MGAT4C: variants seen among roughly 807,000 people sequenced by gnomAD.
The protein encoded by MGAT4C is MGAT4 family member C, also known as alpha-1,3-mannosyl-glycoprotein 4-beta-N-acetylglucosaminyltransferase C.
Under a neutral mutation model 40.1 loss-of-function variants are expected in MGAT4C, and 19 were observed. The observed-to-expected ratio is 0.47, with a 90% CI of 0.33 to 0.70. The LOEUF (loss-of-function observed/expected upper bound fraction) is 0.70, where lower values mean the gene tolerates loss of function less well. Ranked by LOEUF, MGAT4C falls within the 30% of genes least tolerant of loss-of-function variation. MGAT4C has a pLI of 0.02. For missense variants in MGAT4C, 491 were observed against 563.2 expected, an observed-to-expected ratio of 0.87 and a Z score of 1.30; for synonymous variants, 181 against 187.1, an observed-to-expected ratio of 0.97 and a Z score of 0.27.
At chr12:86,703,930 A>T (rs990215217) in intron 2 of MGAT4C, among the ~76,000 whole-genome samples, 9 of 152,138 alleles carry the variant, frequency 5.9e-5, no homozygotes, top group African/African-American at 2.2e-4. Context: ...GGTACCAAGG[A>T]AGCTCCAGAA....
intron 4 of MGAT4C, among the ~76,000 whole-genome samples, chr12:86,314,269 G>A (rs1472715337): frequency 4.6e-5 from 7 of 152,110 alleles, no homozygotes; most frequent in Admixed American, 3.9e-4. Flanking sequence ...AGAAGGATAA[G>A]AGATAGGCTG....
At chr12:86,012,512 A>G (rs939027156) in intron 2 of MGAT4C, among the ~76,000 whole-genome samples, 19 of 152,010 alleles carry the variant, frequency 1.2e-4, no homozygotes, top group East Asian at 1.9e-4. Flanking sequence ...AGGCTGAGGC[A>G]GGTGGATTAC....
chr12:86,134,080 C>A (rs559077079), intron 1 of MGAT4C, among the ~76,000 whole-genome samples: 1 of 152,026 alleles, frequency 6.6e-6, no homozygotes, highest in South Asian at 2.1e-4. Context: ...CACATTATTT[C>A]TAGTTATGTG....
intron 2 of MGAT4C, among the ~76,000 whole-genome samples, chr12:86,044,302 C>T (rs569003790): frequency 6.6e-6 from 1 of 152,264 alleles, no homozygotes; most frequent in Non-Finnish European, 1.5e-5. Flanking sequence ...TGGATGGTGC[C>T]AGCCAAAGTG....
At chr12:86,454,177 C>A (rs1056591687) in intron 2 of MGAT4C, among the ~76,000 whole-genome samples, 3 of 152,088 alleles carry the variant, frequency 2.0e-5, no homozygotes, top group Admixed American at 2.0e-4. Context: ...AGCTACTAAT[C>A]TTTAGGAGAA....
intron 1 of MGAT4C, among the ~76,000 whole-genome samples, chr12:86,213,161 A>C (rs1950549377): frequency 6.6e-6 from 1 of 152,088 alleles, no homozygotes; most frequent in African/African-American, 2.4e-5. Flanking sequence ...ATATGGTTCT[A>C]ATTTACTTGA....
At chr12:86,824,457 G>A (rs1177956707) in intron 1 of MGAT4C, among the ~76,000 whole-genome samples, 1 of 151,292 alleles carries the variant, frequency 6.6e-6, no homozygotes, top group African/African-American at 2.4e-5. Flanking sequence ...CAAAAGTTAT[G>A]GCTACAGTAC....
intron 2 of MGAT4C, among the ~76,000 whole-genome samples, chr12:86,476,755 GA>G (rs1317854137): frequency 1.3e-5 from 2 of 152,024 alleles, no homozygotes; most frequent in Admixed American, 6.6e-5. Flanking sequence ...CCATAAAAAG[GA>G]AAAAAATTAT....
At chr12:86,730,771 T>C (rs1187261263) in intron 1 of MGAT4C, among the ~76,000 whole-genome samples, 1 of 152,112 alleles carries the variant, frequency 6.6e-6, no homozygotes, top group African/African-American at 2.4e-5. Context: ...TAAGTAAATA[T>C]AAGACAATTT....
Position 86,696,384 on chromosome 12 carries a change from A to T in MGAT4C, c.-229+30825T>A, listed in dbSNP as rs187881446. Among the ~76,000 whole-genome samples the T allele has an allele frequency of 1.8e-3, 276 of 152,324 alleles. 1 individual carries two copies. The highest frequency in any genetic ancestry group is 5.7e-4 in the Non-Finnish European group (39 of 68,034). ...AATTAAAAACTAAAAAAAAGTGGTT[A>T]GTCAAAAGATGAGAATAGCTAACCA... On this transcript the variant is annotated intron_variant, in intron 2 of 7. Transcript: ENST00000548651.
chr12:86,537,829 G>A (rs546636496), intron 2 of MGAT4C, among the ~76,000 whole-genome samples: 133 of 152,318 alleles, frequency 8.7e-4, no homozygotes, highest in African/African-American at 3.1e-3. Context: ...GCTCATGCCT[G>A]TAATCCCAAC....
At chr12:86,589,050 A>T (rs1961199641) in intron 2 of MGAT4C, among the ~76,000 whole-genome samples, 1 of 150,698 alleles carries the variant, frequency 6.6e-6, no homozygotes, top group Non-Finnish European at 1.5e-5. Flanking sequence ...AATAACTAAA[A>T]TCAGAGCAGA....
At chr12:86,032,224 T>C (rs1890823730) in intron 2 of MGAT4C, among the ~76,000 whole-genome samples, 2 of 151,826 alleles carry the variant, frequency 1.3e-5, no homozygotes, top group Non-Finnish European at 2.9e-5. Flanking sequence ...CCACAATGAA[T>C]ATATGTGTGT....
chr12:86,283,259 A>G (rs1432146522), intron 4 of MGAT4C, among the ~76,000 whole-genome samples: 1 of 151,996 alleles, frequency 6.6e-6, no homozygotes, highest in African/African-American at 2.4e-5. Context: ...TGTACTTCTC[A>G]CATCCCTATT....
intron 1 of MGAT4C, among the ~76,000 whole-genome samples, chr12:86,179,489 T>C (rs1887876706): frequency 6.6e-6 from 1 of 152,096 alleles, no homozygotes; most frequent in South Asian, 2.1e-4. Flanking sequence ...GACAGGACAA[T>C]GTGGGAAAGT....
chr12:86,030,067 A>T (rs1196660880), intron 2 of MGAT4C, among the ~76,000 whole-genome samples: 2 of 151,788 alleles, frequency 1.3e-5, no homozygotes, highest in Admixed American at 1.3e-4. Flanking sequence ...GTATTTCATG[A>T]CAAAGACTTA....
chr12:86,781,011 A>AG (rs1565985820), intron 1 of MGAT4C, among the ~76,000 whole-genome samples: 54 of 149,362 alleles, frequency 3.6e-4, no homozygotes, highest in South Asian at 1.0e-3. Flanking sequence ...ATGGCTGAGT[A>AG]TTGTGTGTGT....
intron 2 of MGAT4C, among the ~76,000 whole-genome samples, chr12:86,024,007 CT>C (rs1197739454): frequency 6.6e-6 from 1 of 151,170 alleles, no homozygotes; most frequent in Non-Finnish European, 1.5e-5. Flanking sequence ...ATATGTAAAA[CT>C]TTAACTATGA....
At chr12:86,697,538 G>T (rs1007812471) in intron 2 of MGAT4C, among the ~76,000 whole-genome samples, 1 of 152,012 alleles carries the variant, frequency 6.6e-6, no homozygotes, top group East Asian at 1.9e-4. Flanking sequence ...TACACAAAAT[G>T]TAATCACCCA....
Sources: allele counts gnomAD v4.1 joint callset (sites outside exome capture counted in the v4.1 genomes callset), GRCh38; gene constraint gnomAD v4.1.1; transcripts MANE v1.5; gene names NCBI Gene and HGNC (gene_info 2026-07-23, HGNC 2026-07-21).